SCN1A: variants seen among roughly 807,000 people sequenced by gnomAD.
The protein encoded by SCN1A is sodium voltage-gated channel alpha subunit 1.
In SCN1A, 13 loss-of-function variants were observed where a neutral mutation model predicts 193.7. The observed-to-expected ratio is 0.07, with a 90% CI of 0.04 to 0.11. The LOEUF (loss-of-function observed/expected upper bound fraction) is 0.11, where lower values mean the gene tolerates loss of function less well. SCN1A is among the 10% of genes least tolerant of loss of function. SCN1A has a pLI of 1.00. For synonymous variants in SCN1A, 781 were observed against 843.6 expected (o/e 0.93, Z 1.29); for missense variants, 1,432 against 2,451.1 (o/e 0.58, Z 8.78).
chr2:166,052,746 A>C, intron 8 of SCN1A, 106 bp downstream of exon 8: 1 of 935,110 alleles, frequency 1.1e-6, no homozygotes, highest in Non-Finnish European at 1.7e-6. Context: ...TTTTCTTTGA[A>C]ACACCTAGTC....
chr2:165,991,473 A>C lies in SCN1A; in HGVS notation c.5802T>G (p.Thr1934=). 1 of 1,613,874 alleles carries C rather than the reference A, an allele frequency of 6.2e-7. No homozygotes were observed. Among genetic ancestry groups the C allele is most frequent in the Non-Finnish European group, 8.5e-7 (1 of 1,179,866 alleles). Residue 1934 remains threonine, a synonymous_variant, in exon 29 of 29, where the codon ACT becomes ACG. Coordinates refer to ENST00000674923, the MANE Select transcript of SCN1A (RefSeq NM_001165963.4). ...RAYRRHLLKR[T]VKQASFTYNK... is the part of the protein sequence containing the mutation. ...TGTACGTAAAGGAAGCTTGTTTTAC[A>C]GTTCGCTTTAAAAGGTGGCGTCTGT...
chr2:166,072,363 C>T (rs747831619), intron 4 of SCN1A, among the ~76,000 whole-genome samples: 6 of 151,964 alleles, frequency 3.9e-5, no homozygotes, highest in African/African-American at 7.3e-5. Flanking sequence ...TCATAATGAA[C>T]GGTTGGATGC....
At chr2:166,010,786 T>C (rs1204442373) in intron 22 of SCN1A, among the ~76,000 whole-genome samples, 1 of 151,076 alleles carries the variant, frequency 6.6e-6, no homozygotes, top group African/African-American at 2.4e-5. Context: ...AGTCCTTTTA[T>C]AGAGTGCTAT....
At chr2:166,079,385 A>C (rs1685270032) in intron 2 of SCN1A, among the ~76,000 whole-genome samples, 1 of 148,754 alleles carries the variant, frequency 6.7e-6, no homozygotes, top group South Asian at 2.2e-4. Context: ...CTTTAAAGAC[A>C]ACTTTGTCTC....
At chr2:166,136,413 CAT>C in intron 1 of SCN1A, among the ~76,000 whole-genome samples, 1 of 118,434 alleles carries the variant, frequency 8.4e-6, no homozygotes, top group East Asian at 2.0e-4. Context: ...GATTACATAT[CAT>C]ATATATGCAT....
intron 24 of SCN1A, among the ~76,000 whole-genome samples, chr2:166,001,402 G>T (rs1690813977): frequency 6.6e-6 from 1 of 151,838 alleles, no homozygotes; most frequent in South Asian, 2.1e-4. Context: ...GGAAGAATTT[G>T]TAAAGTAATC....
At position 166,107,829 on chromosome 2, in the gene SCN1A, A is replaced by G. The variant is rs1688858294; in HGVS notation, c.-142+19095T>C. Among the ~76,000 whole-genome samples the G allele has an allele frequency of 2.0e-5, 3 of 152,252 alleles. 1 individual carries two copies. In the South Asian group the frequency reaches 6.2e-4, roughly 32 times the overall value. On this transcript the variant is annotated intron_variant, in intron 2 of 28. Transcript: ENST00000674923. ...AATTCAAAATTAATCATAAATTTAA[A>G]CGTAAGAACTAAAACTATAATTCTT...
At chr2:166,082,425 G>A (rs1685625723) in intron 2 of SCN1A, among the ~76,000 whole-genome samples, 2 of 152,084 alleles carry the variant, frequency 1.3e-5, no homozygotes, top group South Asian at 4.1e-4. Context: ...AAGTAGCTGT[G>A]TTAAAATAGT....
In SCN1A at chr2:165,988,218, T is replaced by C. The variant is rs562767512; in HGVS notation, c.*3027A>G. On this transcript the variant is annotated 3_prime_UTR_variant, in exon 29 of 29. Coordinates refer to ENST00000674923, the MANE Select transcript of SCN1A (RefSeq NM_001165963.4). Reference sequence around the variant, plus strand: ...ACTTCACTGTGGTTCCCCCAGTTACTGTTTTTCTTTATCTGCAAAAGTTAG... The same window carrying C: ...ACTTCACTGTGGTTCCCCCAGTTACCGTTTTTCTTTATCTGCAAAAGTTAG... 6.6e-6 allele frequency: 1 copy of C among 152,230 alleles called. No individual in the cohort carries two copies. The highest frequency in any genetic ancestry group is 6.5e-5 in the Admixed American group (1 of 15,286). 9.4% of individuals were successfully genotyped at this position (152,230 alleles called of 1,614,324 possible).
intron 1 of SCN1A, among the ~76,000 whole-genome samples, chr2:166,147,460 C>T (rs1490202940): frequency 2.0e-5 from 3 of 151,894 alleles, no homozygotes; most frequent in Non-Finnish European, 2.9e-5. Flanking sequence ...TTAGCAATAG[C>T]CAAAAGAAAC....
At chr2:166,032,925 A>G (rs1695824532) in intron 19 of SCN1A, among the ~76,000 whole-genome samples, 1 of 152,200 alleles carries the variant, frequency 6.6e-6, no homozygotes, top group Admixed American at 6.6e-5. Context: ...GACAATCTCA[A>G]GTATGCTCTA....
intron 4 of SCN1A, among the ~76,000 whole-genome samples, chr2:166,064,925 A>G (rs1683682243): frequency 6.6e-6 from 1 of 152,212 alleles, no homozygotes; most frequent in South Asian, 2.1e-4. Flanking sequence ...CTGGTTGGTT[A>G]AATTTATCCT....
At chr2:166,075,149 G>A (rs1684863628) in intron 3 of SCN1A, 1 of 151,472 alleles carries the variant, frequency 6.6e-6, no homozygotes, top group Admixed American at 6.6e-5. Context: ...TTCTCAAAAG[G>A]GAAATAAAAT....
At position 165,991,434 on chromosome 2, in the gene SCN1A, G is replaced by C; in HGVS notation, c.5841C>G (p.Ile1947Met). Residue 1947 changes from isoleucine (I) to methionine (M), a missense_variant, in exon 29 of 29, where the codon ATC becomes ATG. Ile to Met is a conservative substitution (Grantham distance 10, BLOSUM62 1). Around this residue, in one of 18 missense-constraint regions of SCN1A, gnomAD observed 148 missense variants for 160.3 expected, o/e 0.92. Transcript: ENST00000674923. ...TTATAAGAAGATTAGCCCCACCTTT[G>C]ATTTTGTTTTTATTGTACGTAAAGG... ...QASFTYNKNK[I>M]KGGANLLIKE... 1 of 1,613,722 alleles carries C rather than the reference G, an allele frequency of 6.2e-7. No homozygotes were observed. The highest frequency in any genetic ancestry group is 8.5e-7 in the Non-Finnish European group (1 of 1,179,840).
chr2:166,037,967 A>G lies in SCN1A; in HGVS notation c.2755T>C (p.Cys919Arg). 2 of 1,614,192 alleles carry G rather than the reference A, an allele frequency of 1.2e-6. No homozygotes were observed. Among genetic ancestry groups the G allele is most frequent in the Non-Finnish European group, 1.7e-6 (2 of 1,180,034 alleles). The change falls in exon 18 of 29, where the codon TGT becomes CGT. Residue 919 changes from cysteine (C) to arginine (R), a missense_variant. Coordinates refer to ENST00000674923, the MANE Select transcript of SCN1A (RefSeq NM_001165963.4). ...CAATCACTGGCGATCTTGCAGACACAATCTTTGTAGCTTTTACCAAAGAGC... is the reference window on the plus strand; with the variant it reads ...CAATCACTGGCGATCTTGCAGACACGATCTTTGTAGCTTTTACCAAAGAGC... ...MQLFGKSYKD[C>R]VCKIASDCQL...
At chr2:166,072,917 A>C (rs1171720878) in intron 4 of SCN1A, among the ~76,000 whole-genome samples, 2 of 147,424 alleles carry the variant, frequency 1.4e-5, no homozygotes, top group Non-Finnish European at 3.0e-5. Flanking sequence ...GCTCACTGCA[A>C]CCTCGGCCTC....
At chr2:166,025,776 T>C (rs1362949557) in intron 19 of SCN1A, among the ~76,000 whole-genome samples, 2 of 152,314 alleles carry the variant, frequency 1.3e-5, no homozygotes, top group Admixed American at 6.5e-5. Flanking sequence ...TCTTCCTTTT[T>C]TGTTCCTTTT....
chr2:166,126,372 TC>T (rs1263982447), intron 2 of SCN1A: 2 of 152,156 alleles, frequency 1.3e-5, no homozygotes, highest in African/African-American at 4.8e-5. Context: ...ACAGTCATTC[TC>T]CTGAAATGCA....
intron 19 of SCN1A, among the ~76,000 whole-genome samples, chr2:166,021,456 T>C (rs898774066): frequency 3.3e-5 from 5 of 152,130 alleles, no homozygotes; most frequent in South Asian, 2.1e-4. Flanking sequence ...AGAGTTTTGA[T>C]TGGCATGTTA....
Sources: gnomAD v4.1 joint callset for allele counts (sites outside exome capture counted in the v4.1 genomes callset) on GRCh38, gnomAD v4.1.1 for gene constraint, gnomAD v4.1.1 regional missense constraint, MANE v1.5 for transcripts, NCBI Gene and HGNC (gene_info 2026-07-23, HGNC 2026-07-21) for gene names.